The following TRAPPC9 variants were observed in gnomAD, a reference collection of about 807,000 sequenced individuals.
The protein encoded by TRAPPC9 is IKK2 binding protein.
A neutral mutation model predicts 124.0 loss-of-function variants in TRAPPC9; 83 were observed. That is an observed-to-expected ratio of 0.67 (90% CI 0.56 to 0.80). TRAPPC9 has a LOEUF of 0.80. Among genes scored for constraint, TRAPPC9 ranks in the 30% least tolerant of loss-of-function variants. TRAPPC9 has a pLI of 0.00. For missense variants in TRAPPC9, 1,302 were observed against 1,508.3 expected (o/e 0.86, Z 2.27); for synonymous variants, 638 against 617.5 (o/e 1.03, Z -0.49).
In TRAPPC9 at chr8:140,101,532, C is replaced by CTTTTTTTTTTTTTTTTTTTTTTTTTTTT. The variant is rs1234280796; in HGVS notation, c.2557-77454_2557-77453insAAAAAAAAAAAAAAAAAAAAAAAAAAAA. ...ACTTGGGTTGGTTTTGTAGGGTTTTCTTTTTTTTGTTTTTTTTTTTTTTTT... is the reference window on the plus strand; with the variant it reads ...ACTTGGGTTGGTTTTGTAGGGTTTTCTTTTTTTTTTTTTTTTTTTTTTTTTTTTTTTTTTTTGTTTTTTTTTTTTTTTT... On this transcript the variant is annotated intron_variant, in intron 17 of 22. Coordinates refer to ENST00000438773, the MANE Select transcript of TRAPPC9 (RefSeq NM_001160372.4). Among the ~76,000 whole-genome samples, 6 of 78,722 alleles carry CTTTTTTTTTTTTTTTTTTTTTTTTTTTT rather than the reference C, an allele frequency of 7.6e-5. 1 individual carries two copies. Among genetic ancestry groups the CTTTTTTTTTTTTTTTTTTTTTTTTTTTT allele is most frequent in the South Asian group, 4.1e-4 (1 of 2,450 alleles). 51.6% of individuals were successfully genotyped at this position (78,722 alleles called of 152,430 possible).
rs1025399624 is a variant in TRAPPC9 at position 140,087,870 on chromosome 8, A to G, written c.2557-63791T>C. Among the ~76,000 whole-genome samples, 1 of 151,834 alleles carries G rather than the reference A, an allele frequency of 6.6e-6. No individual in the cohort carries two copies. Among genetic ancestry groups the G allele is most frequent in the South Asian group, 2.1e-4 (1 of 4,818 alleles). Reference sequence around the variant, plus strand: ...GTCGCCGCCAGCCCCAGAAAAACCCACCATCACTGACAAGGTCCTGGAGAG... The same window carrying G: ...GTCGCCGCCAGCCCCAGAAAAACCCGCCATCACTGACAAGGTCCTGGAGAG... On this transcript the variant is annotated intron_variant, in intron 17 of 22. Transcript: ENST00000438773. This position sits in a 1 kb window ranked among gnomAD's most constrained non-coding sequence, Gnocchi z 4.6.
intron 19 of TRAPPC9, among the ~76,000 whole-genome samples, chr8:139,943,372 G>A (rs1219547126): frequency 6.6e-6 from 1 of 152,136 alleles, no homozygotes; most frequent in Admixed American, 6.5e-5. Flanking sequence ...CAGCCGAGGT[G>A]GAGTTTTCAA....
intron 17 of TRAPPC9, among the ~76,000 whole-genome samples, chr8:140,112,843 T>TC (rs201964206): frequency 0.12 from 2,549 of 20,866 alleles, 34 homozygotes; most frequent in South Asian, 0.3. Flanking sequence ...TTAATTTCCT[T>TC]TTTTTTTTTT....
intron 21 of TRAPPC9, among the ~76,000 whole-genome samples, chr8:139,823,977 G>A (rs769450909): frequency 2.6e-5 from 4 of 152,182 alleles, no homozygotes; most frequent in African/African-American, 4.8e-5. Flanking sequence ...AGACATGCCC[G>A]TGAGGATCCG....
chr8:139,778,002 G>C (rs1185970328), intron 21 of TRAPPC9, among the ~76,000 whole-genome samples: 1 of 151,758 alleles, frequency 6.6e-6, no homozygotes, highest in Non-Finnish European at 1.5e-5. Context: ...AAGGGAGAGA[G>C]AGAGAAAAAA....
chr8:139,986,283 A>C (rs140270813), intron 19 of TRAPPC9, among the ~76,000 whole-genome samples: 119 of 152,206 alleles, frequency 7.8e-4, no homozygotes, highest in Non-Finnish European at 1.3e-3. Context: ...CTGTCAAAAT[A>C]ATGTTTGGGT....
intron 21 of TRAPPC9, among the ~76,000 whole-genome samples, chr8:139,827,793 A>G (rs1238495175): frequency 6.6e-6 from 1 of 152,184 alleles, no homozygotes; most frequent in East Asian, 1.9e-4. Context: ...TCATCGGCTC[A>G]CAGTGCTGCA....
At chr8:140,211,858 G>A (rs1030184131) in intron 17 of TRAPPC9, among the ~76,000 whole-genome samples, 1 of 152,210 alleles carries the variant, frequency 6.6e-6, no homozygotes, top group African/African-American at 2.4e-5. Flanking sequence ...CCATGGCCAC[G>A]AGGCGCTTAC....
At chr8:139,861,306 C>T (rs540172258) in intron 21 of TRAPPC9, among the ~76,000 whole-genome samples, 3 of 152,180 alleles carry the variant, frequency 2.0e-5, no homozygotes, top group African/African-American at 7.2e-5. Flanking sequence ...TTGGACTGCA[C>T]AGTCTAAGCT....
chr8:139,973,864 G>A (rs996679966), intron 19 of TRAPPC9, among the ~76,000 whole-genome samples: 4 of 152,104 alleles, frequency 2.6e-5, no homozygotes, highest in African/African-American at 7.2e-5. Context: ...CACCAGGCCC[G>A]TCAAGCTACT....
intron 21 of TRAPPC9, among the ~76,000 whole-genome samples, chr8:139,804,425 GCCA>G (rs1390333643): frequency 6.4e-4 from 33 of 51,468 alleles, no homozygotes; most frequent in Non-Finnish European, 7.9e-4. Flanking sequence ...ACCCACCACC[GCCA>G]CCAAGCACCA....
At chr8:140,084,572 T>C (rs1163180207) in intron 17 of TRAPPC9, among the ~76,000 whole-genome samples, 6 of 152,314 alleles carry the variant, frequency 3.9e-5, no homozygotes, top group Non-Finnish European at 7.3e-5. Flanking sequence ...TCAGAATGTA[T>C]CACTTCCCCA....
chr8:140,290,789 T>C (rs1241131961), intron 12 of TRAPPC9, among the ~76,000 whole-genome samples: 1 of 152,218 alleles, frequency 6.6e-6, no homozygotes, highest in East Asian at 1.9e-4. Context: ...CTTTGTAGGT[T>C]CAAATATTTA....
At chr8:139,866,269 G>C (rs994958698) in intron 21 of TRAPPC9, among the ~76,000 whole-genome samples, 19 of 152,194 alleles carry the variant, frequency 1.2e-4, no homozygotes, top group African/African-American at 4.3e-4. Flanking sequence ...CCACCCCCAC[G>C]TCCCATGATG....
chr8:140,440,916 C>T (rs2070991002), intron 2 of TRAPPC9, among the ~76,000 whole-genome samples: 1 of 151,898 alleles, frequency 6.6e-6, no homozygotes, highest in Non-Finnish European at 1.5e-5. Flanking sequence ...CCTTCCCTGA[C>T]TCCAACCTCT....
At chr8:139,768,418 G>A (rs1301822208) in intron 21 of TRAPPC9, among the ~76,000 whole-genome samples, 4 of 152,224 alleles carry the variant, frequency 2.6e-5, no homozygotes, top group Non-Finnish European at 5.9e-5. Flanking sequence ...CCCACCAGTG[G>A]TGGGCCAGGC....
At chr8:140,029,501 T>A (rs1840368348) in intron 17 of TRAPPC9, among the ~76,000 whole-genome samples, 4 of 152,080 alleles carry the variant, frequency 2.6e-5, no homozygotes, top group Non-Finnish European at 1.5e-5. Context: ...CAAGACTCTG[T>A]CTCTGAAAAC....
intron 17 of TRAPPC9, among the ~76,000 whole-genome samples, chr8:140,091,689 CA>C (rs1446227779): frequency 1.9e-4 from 29 of 152,290 alleles, no homozygotes; most frequent in African/African-American, 5.8e-4. Flanking sequence ...AGCAGGAAGT[CA>C]GCTGCGGCAG....
At chr8:140,276,802 G>A (rs1319985107) in intron 14 of TRAPPC9, among the ~76,000 whole-genome samples, 2 of 151,642 alleles carry the variant, frequency 1.3e-5, no homozygotes, top group African/African-American at 4.9e-5. Context: ...CAGAGGAGGT[G>A]GCCAGAGCGG....
Sources: allele counts gnomAD v4.1 joint callset (sites outside exome capture counted in the v4.1 genomes callset), GRCh38; gene constraint gnomAD v4.1.1; non-coding constraint Gnocchi (gnomAD v3.1); transcripts MANE v1.5; gene names NCBI Gene and HGNC (gene_info 2026-07-23, HGNC 2026-07-21).